The following PTPRT variants were observed in gnomAD, a reference collection of about 807,000 sequenced individuals.
PTPRT encodes receptor-type tyrosine-protein phosphatase T.
Under a neutral mutation model 176.8 loss-of-function variants are expected in PTPRT, and 56 were observed. The ratio of observed to expected loss-of-function variants is 0.32; its 90% CI spans 0.26 to 0.40. The LOEUF (loss-of-function observed/expected upper bound fraction) is 0.40, where lower values mean the gene tolerates loss of function less well. PTPRT is among the 10% of genes least tolerant of loss of function. PTPRT has a pLI of 1.00. For synonymous variants in PTPRT, 783 were observed against 739.0 expected, an observed-to-expected ratio of 1.06 and a Z score of -0.96; for missense variants, 1,540 against 1,908.2, an observed-to-expected ratio of 0.81 and a Z score of 3.60.
At chr20:43,039,253 C>A (rs927055) in intron 1 of PTPRT, among the ~76,000 whole-genome samples, 63,412 of 151,950 alleles carry the variant, frequency 0.42, 16,891 homozygotes, top group African/African-American at 0.75. Flanking sequence ...AATTAGACCC[C>A]AAAATACATA....
chr20:42,807,837 C>G (rs1281041378), intron 2 of PTPRT, among the ~76,000 whole-genome samples: 1 of 152,132 alleles, frequency 6.6e-6, no homozygotes, highest in Non-Finnish European at 1.5e-5. Flanking sequence ...TACTTGGTAC[C>G]AAGCATGCAG....
At chr20:42,397,157 T>A in intron 9 of PTPRT, among the ~76,000 whole-genome samples, 1 of 152,184 alleles carries the variant, frequency 6.6e-6, no homozygotes, top group Non-Finnish European at 1.5e-5. Context: ...CCTGGAAAAA[T>A]GCTAGACCTA....
intron 11 of PTPRT, among the ~76,000 whole-genome samples, chr20:42,334,806 G>A (rs981841190): frequency 3.3e-5 from 5 of 152,170 alleles, no homozygotes; most frequent in African/African-American, 1.2e-4. Context: ...AACTGAATAC[G>A]ATAATAATGC....
intron 7 of PTPRT, among the ~76,000 whole-genome samples, chr20:42,655,859 G>A (rs528185647): frequency 6.6e-6 from 1 of 152,302 alleles, no homozygotes; most frequent in Admixed American, 6.5e-5. Flanking sequence ...AGGAAAAGTA[G>A]TCAGGCATAA....
chr20:42,551,054 G>T (rs2145613998), intron 7 of PTPRT, among the ~76,000 whole-genome samples: 1 of 152,224 alleles, frequency 6.6e-6, no homozygotes, highest in Non-Finnish European at 1.5e-5. Context: ...TTGGGGTAAT[G>T]ATAGCTTCTT....
chr20:42,190,450 A>G (rs960074639), intron 16 of PTPRT, among the ~76,000 whole-genome samples: 2 of 152,188 alleles, frequency 1.3e-5, no homozygotes, highest in Non-Finnish European at 2.9e-5. Context: ...CTCTTAGTTC[A>G]TCTACCCAGG....
chr20:42,689,303 G>A (rs553086035), intron 6 of PTPRT, among the ~76,000 whole-genome samples: 16 of 152,298 alleles, frequency 1.1e-4, no homozygotes, highest in African/African-American at 3.4e-4. Context: ...ATGTCTGGAC[G>A]CTGAGGGGGG....
intron 6 of PTPRT, among the ~76,000 whole-genome samples, chr20:42,706,877 A>T (rs2076068053): frequency 6.6e-6 from 1 of 152,228 alleles, no homozygotes; most frequent in Admixed American, 6.5e-5. Flanking sequence ...TAATCTGTTC[A>T]AGATGAAACA....
At chr20:42,091,334 G>A (rs111793108) in intron 27 of PTPRT, among the ~76,000 whole-genome samples, 4,111 of 152,258 alleles carry the variant, frequency 0.027, 188 homozygotes, top group African/African-American at 0.094. Context: ...TCTTTTTCTT[G>A]CTGATGGAAT....
At chr20:43,125,335 A>G (rs117463114) in intron 1 of PTPRT, among the ~76,000 whole-genome samples, 1 of 152,112 alleles carries the variant, frequency 6.6e-6, no homozygotes, top group Non-Finnish European at 1.5e-5. Flanking sequence ...TCCTGGTGCC[A>G]AATTCCACCC....
chr20:42,845,899 A>G lies in PTPRT; in HGVS notation c.214+39908T>C, dbSNP rs1451158070. ...CAGGGTTAAACCCAGGGGTGCCCTC[A>G]AAGAACAGACAAAATCCTTGTTCTC... On this transcript the variant is annotated intron_variant, in intron 2 of 30. Transcript: ENST00000373187. Among the ~76,000 whole-genome samples, 5 of 152,300 alleles carry G rather than the reference A, an allele frequency of 3.3e-5. No homozygotes were observed. In the South Asian group the frequency reaches 1.0e-3, roughly 32 times the overall value.
At chr20:42,654,949 T>G (rs1263067796) in intron 7 of PTPRT, among the ~76,000 whole-genome samples, 1 of 152,202 alleles carries the variant, frequency 6.6e-6, no homozygotes, top group African/African-American at 2.4e-5. Context: ...TTATATGCAT[T>G]TAAATTCACT....
At chr20:42,810,329 G>C (rs550486500) in intron 2 of PTPRT, among the ~76,000 whole-genome samples, 7 of 152,182 alleles carry the variant, frequency 4.6e-5, no homozygotes, top group Non-Finnish European at 7.4e-5. Flanking sequence ...TAAAATAAGA[G>C]AGTGCGAGGA....
intron 7 of PTPRT, among the ~76,000 whole-genome samples, chr20:42,515,066 C>T (rs2072035503): frequency 6.6e-6 from 1 of 152,166 alleles, no homozygotes; most frequent in South Asian, 2.1e-4. Context: ...GCCATCGGAT[C>T]TATAGATTAG....
At chr20:42,358,959 T>C (rs192166980) in intron 9 of PTPRT, among the ~76,000 whole-genome samples, 4 of 152,204 alleles carry the variant, frequency 2.6e-5, no homozygotes, top group Non-Finnish European at 1.5e-5. Flanking sequence ...ATTTCGAGGG[T>C]AATATAGAGC....
In PTPRT at chr20:42,084,711, C is replaced by T. The variant is rs1169989877; in HGVS notation, c.4107G>A (p.Gly1369=). The T allele has an allele frequency of 6.4e-7, 1 of 1,556,072 alleles. No individual in the cohort carries two copies. Among genetic ancestry groups the T allele is most frequent in the Non-Finnish European group, 8.7e-7 (1 of 1,146,676 alleles). Residue 1369 remains glycine, a synonymous_variant, in exon 29 of 31, where the codon GGG becomes GGA. Transcript: ENST00000373187. ...AGTGGACCACAGTACGTCCCTCCCTCCCGTCATACTGCTCCTGCCACTTCT... is the reference window on the plus strand; with the variant it reads ...AGTGGACCACAGTACGTCCCTCCCTTCCGTCATACTGCTCCTGCCACTTCT... The part of the protein sequence containing the change: ...RLEKWQEQYD[G]REGRTVVHCL...
At chr20:43,149,936 C>A (rs374119751) in intron 1 of PTPRT, among the ~76,000 whole-genome samples, 2 of 152,092 alleles carry the variant, frequency 1.3e-5, no homozygotes, top group African/African-American at 4.8e-5. Flanking sequence ...TGTGAACATC[C>A]GTGAGATGTG....
chr20:42,079,569 G>C lies in PTPRT; in HGVS notation c.*1310C>G, dbSNP rs925693766. 39 of 224,806 alleles carry C rather than the reference G, an allele frequency of 1.7e-4. No individual in the cohort carries two copies. The highest frequency in any genetic ancestry group is 7.8e-4 in the African/African-American group (35 of 44,842). The allele number at this position is 224,806 out of a possible 1,614,324, so 13.9% of individuals were successfully genotyped here. ...AGCATGATCCCTGGCATACAGTAGA[G>C]ACTTAGCAAATGTTGGTTCCCTCTC... On this transcript the variant is annotated 3_prime_UTR_variant, in exon 31 of 31. Coordinates refer to ENST00000373187, the MANE Select transcript of PTPRT (RefSeq NM_007050.6).
intron 1 of PTPRT, among the ~76,000 whole-genome samples, chr20:43,087,359 CGTCCTT>C (rs1366562342): frequency 4.5e-5 from 2 of 44,876 alleles, no homozygotes; most frequent in Non-Finnish European, 1.1e-4. Context: ...TCACACTGTC[CGTCCTT>C]TTTTTTTTTT....
Sources: gnomAD v4.1 joint callset for allele counts (sites outside exome capture counted in the v4.1 genomes callset) on GRCh38, gnomAD v4.1.1 for gene constraint, MANE v1.5 for transcripts, NCBI Gene and HGNC (gene_info 2026-07-23, HGNC 2026-07-21) for gene names.